BACH2: variants seen among roughly 807,000 people sequenced by gnomAD.
BACH2 encodes BACH transcriptional regulator 2, also known as transcription regulator protein BACH2.
In BACH2, 5 loss-of-function variants were observed where a neutral mutation model predicts 61.8. The ratio of observed to expected loss-of-function variants is 0.08; its 90% CI spans 0.04 to 0.17. BACH2 has a LOEUF of 0.17. Among genes scored for constraint, BACH2 ranks in the 10% least tolerant of loss-of-function variants. The pLI, the probability that BACH2 is intolerant of heterozygous loss-of-function variation, is 1.00. For synonymous variants in BACH2, 446 were observed against 440.1 expected, an observed-to-expected ratio of 1.01 and a Z score of -0.17; for missense variants, 824 against 1,091.1, an observed-to-expected ratio of 0.76 and a Z score of 3.45.
chr6:90,215,078 T>G (rs1437107232), intron 3 of BACH2, among the ~76,000 whole-genome samples: 1 of 152,130 alleles, frequency 6.6e-6, no homozygotes, highest in East Asian at 1.9e-4. Flanking sequence ...ATTATCAGCA[T>G]CTCCTTAGTG....
Position 90,146,206 on chromosome 6 carries a change from G to A in BACH2, c.-161-57097C>T, listed in dbSNP as rs796794374. On this transcript the variant is annotated intron_variant, in intron 4 of 8. Coordinates refer to ENST00000257749, the MANE Select transcript of BACH2 (RefSeq NM_021813.4). ...CACCACGTGTGACCAAAGATGACCC[G>A]CAGAAGTGATGTTACCTGACTCTGT... is the stretch of plus-strand genomic sequence containing the variant. Among the ~76,000 whole-genome samples the A allele has an allele frequency of 1.8e-3, 275 of 152,304 alleles. 7 individuals carry two copies. In the South Asian group the frequency reaches 0.034, roughly 19 times the overall value.
In BACH2 at chr6:89,932,122, T is replaced by G; in HGVS notation, c.*286A>C. 2 of 291,916 alleles carry G rather than the reference T, an allele frequency of 6.9e-6. No homozygotes were observed. Among genetic ancestry groups the G allele is most frequent in the East Asian group, 6.3e-5 (1 of 15,866 alleles). The allele number at this position is 291,916 out of a possible 1,614,324, so 18.1% of individuals were successfully genotyped here. A position where few individuals can be genotyped will look rare whatever the true frequency, so the allele number is the denominator to read the frequency against. On this transcript the variant is annotated 3_prime_UTR_variant, in exon 9 of 9. Coordinates refer to ENST00000257749, the MANE Select transcript of BACH2 (RefSeq NM_021813.4). ...AAAATCCGTGGTTGGGGCCTAGAGG[T>G]GTTGTAGTCTATCCCTGTGAAGACT...
chr6:90,030,157 T>A (rs1462844682), intron 5 of BACH2, among the ~76,000 whole-genome samples: 1 of 152,144 alleles, frequency 6.6e-6, no homozygotes, highest in Admixed American at 6.5e-5. Flanking sequence ...ATGGCTCTGA[T>A]CCCACCCCCT....
chr6:90,035,712 A>G (rs1200134992), intron 5 of BACH2, among the ~76,000 whole-genome samples: 1 of 152,128 alleles, frequency 6.6e-6, no homozygotes, highest in Non-Finnish European at 1.5e-5. Context: ...AAAGGAAGAC[A>G]GGGTGAAAAA....
intron 5 of BACH2, among the ~76,000 whole-genome samples, chr6:90,082,463 C>A (rs1012919982): frequency 1.3e-5 from 2 of 152,014 alleles, no homozygotes; most frequent in African/African-American, 4.8e-5. Flanking sequence ...AAAAAAGTAA[C>A]AAGGAGATCA....
At chr6:89,986,602 AG>A (rs1776253755) in intron 6 of BACH2, among the ~76,000 whole-genome samples, 2 of 152,162 alleles carry the variant, frequency 1.3e-5, no homozygotes, top group African/African-American at 4.8e-5. Context: ...TTGAATGTTT[AG>A]GTGGCACTTA....
intron 4 of BACH2, among the ~76,000 whole-genome samples, chr6:90,152,718 A>G (rs16882462): frequency 0.036 from 5,445 of 152,330 alleles, 125 homozygotes; most frequent in South Asian, 0.098. Context: ...TGCTTAAGTC[A>G]CGTTATTTAG....
At chr6:90,060,396 T>A (rs994073165) in intron 5 of BACH2, among the ~76,000 whole-genome samples, 1 of 152,184 alleles carries the variant, frequency 6.6e-6, no homozygotes, top group African/African-American at 2.4e-5. Context: ...TATTTTCCAG[T>A]TCATTAATTA....
At position 90,175,010 on chromosome 6, in the gene BACH2, G is replaced by C. The variant is rs191145927; in HGVS notation, c.-162+31559C>G. On this transcript the variant is annotated intron_variant, in intron 4 of 8. Transcript: ENST00000257749. ...AAACAATAGGAGAGAGGTACATAAG[G>C]GTTTCAGTAGCAATGATAATGTTCT... 4.6e-3 allele frequency among the ~76,000 whole-genome samples: 703 copies of C among 152,026 alleles called. 2 individuals are homozygous for C. The highest frequency in any genetic ancestry group is 7.2e-3 in the Admixed American group (110 of 15,274).
rs1409932449 is a variant in BACH2 at position 90,210,964 on chromosome 6, G to A, written c.-274-4283C>T. On this transcript the variant is annotated intron_variant, in intron 3 of 8. Transcript: ENST00000257749. ...CACTTGAAGTCAGGAGTACCAGCCT[G>A]GCCAACATGGAAAAACCTCATCTCT... Among the ~76,000 whole-genome samples the A allele has an allele frequency of 2.6e-5, 4 of 151,966 alleles. No individual in the cohort carries two copies. In the East Asian group the frequency reaches 7.8e-4, roughly 30 times the overall value.
chr6:90,267,759 A>G (rs1771385974), intron 2 of BACH2, among the ~76,000 whole-genome samples: 1 of 152,176 alleles, frequency 6.6e-6, no homozygotes, highest in South Asian at 2.1e-4. Flanking sequence ...ACAAAATATT[A>G]AAGAAAGTTG....
intron 6 of BACH2, among the ~76,000 whole-genome samples, chr6:89,970,182 A>T (rs1775281003): frequency 6.6e-6 from 1 of 152,262 alleles, no homozygotes; most frequent in Non-Finnish European, 1.5e-5. Context: ...GAAGGGCAAC[A>T]GAGGCCCTGT....
intron 6 of BACH2, among the ~76,000 whole-genome samples, chr6:89,989,238 C>T (rs1301828763): frequency 6.6e-6 from 1 of 152,170 alleles, no homozygotes; most frequent in African/African-American, 2.4e-5. Context: ...TATTGTAAAA[C>T]AAATCTCCAG....
intron 5 of BACH2, among the ~76,000 whole-genome samples, chr6:90,051,697 T>C (rs1031444397): frequency 3.3e-5 from 5 of 152,190 alleles, no homozygotes; most frequent in Non-Finnish European, 7.4e-5. Context: ...TCCTTTCTCA[T>C]TCGTCTTTTT....
chr6:90,094,676 G>A (rs915822133), intron 4 of BACH2, among the ~76,000 whole-genome samples: 1 of 152,144 alleles, frequency 6.6e-6, no homozygotes. Flanking sequence ...TATCACTGGA[G>A]GTAAAAAATT....
At chr6:90,106,470 G>A (rs1267908746) in intron 4 of BACH2, among the ~76,000 whole-genome samples, 1 of 152,168 alleles carries the variant, frequency 6.6e-6, no homozygotes, top group Non-Finnish European at 1.5e-5. Flanking sequence ...GTAATATGCT[G>A]TACAGGTTTG....
chr6:90,179,963 C>T (rs1352710169), intron 4 of BACH2, among the ~76,000 whole-genome samples: 3 of 151,986 alleles, frequency 2.0e-5, no homozygotes, highest in African/African-American at 7.2e-5. Flanking sequence ...CTAATAGTTA[C>T]CCCACTGGAA....
chr6:90,222,945 G>A (rs28721896), intron 3 of BACH2, among the ~76,000 whole-genome samples: 2,951 of 152,200 alleles, frequency 0.019, 100 homozygotes, highest in African/African-American at 0.066. Context: ...ACTCTGGCGC[G>A]CACCCCTGCT....
intron 4 of BACH2, among the ~76,000 whole-genome samples, chr6:90,186,646 T>C (rs1474499813): frequency 1.3e-5 from 2 of 152,128 alleles, no homozygotes; most frequent in Non-Finnish European, 2.9e-5. Flanking sequence ...ACTGGAGAAG[T>C]CACTTTTTGA....
Sources: gnomAD v4.1 joint callset for allele counts (sites outside exome capture counted in the v4.1 genomes callset) on GRCh38, gnomAD v4.1.1 for gene constraint, MANE v1.5 for transcripts, NCBI Gene and HGNC (gene_info 2026-07-23, HGNC 2026-07-21) for gene names.